Variants in PLCE1 observed in about 807,000 individuals in gnomAD.
PLCE1 encodes the protein 1-phosphatidylinositol 4,5-bisphosphate phosphodiesterase epsilon-1.
PLCE1 carries 119 observed loss-of-function variants against 242.8 expected under a neutral mutation model. That is an observed-to-expected ratio of 0.49 (90% confidence interval 0.42 to 0.57). The LOEUF (loss-of-function observed/expected upper bound fraction) is 0.57. Ranked by LOEUF, PLCE1 falls within the 20% of genes least tolerant of loss-of-function variation. PLCE1 has a pLI of 0.00. For synonymous variants in PLCE1, 945 were observed against 1,017.4 expected (o/e 0.93, Z 1.35); for missense variants, 2,441 against 2,788.8 (o/e 0.88, Z 2.81).
intron 2 of PLCE1, among the ~76,000 whole-genome samples, chr10:94,108,136 T>G (rs191267239): frequency 6.6e-5 from 10 of 152,312 alleles, no homozygotes; most frequent in Admixed American, 5.2e-4. Context: ...AGAAGGCAAG[T>G]GCAGCAGCAA....
chr10:94,111,847 A>G (rs945583517), intron 2 of PLCE1, among the ~76,000 whole-genome samples: 3 of 152,214 alleles, frequency 2.0e-5, no homozygotes, highest in African/African-American at 7.2e-5. Context: ...TAAGTTTATT[A>G]TTTTAAATGT....
Position 94,179,530 on chromosome 10 carries a change from T to TTTTA in PLCE1, c.1809+8034_1809+8035insTTTA, listed in dbSNP as rs10636243. 5.3e-3 allele frequency among the ~76,000 whole-genome samples: 623 copies of TTTTA among 118,500 alleles called. 4 individuals carry two copies. Among genetic ancestry groups the TTTTA allele is most frequent in the Non-Finnish European group, 7.2e-3 (425 of 59,280 alleles). The allele number at this position is 118,500 out of a possible 152,430, so 77.7% of individuals were successfully genotyped here. On this transcript the variant is annotated intron_variant, in intron 4 of 32. Coordinates refer to ENST00000371380, the MANE Select transcript of PLCE1 (RefSeq NM_016341.4). Reference sequence around the variant, plus strand: ...TAGTTTAGTTTTTTTTTTTTTTTTTTGACAGGGTCTCTGTTGCCCAGGCTG... The same window carrying TTTTA: ...TAGTTTAGTTTTTTTTTTTTTTTTTTTTTAGACAGGGTCTCTGTTGCCCAGGCTG...
intron 4 of PLCE1, among the ~76,000 whole-genome samples, chr10:94,192,953 T>C (rs950757441): frequency 6.6e-6 from 1 of 152,220 alleles, no homozygotes; most frequent in Non-Finnish European, 1.5e-5. Context: ...GAAAATTATA[T>C]GAAGCTCAAA....
intron 2 of PLCE1, chr10:94,107,997 A>G (rs1202298841): frequency 6.6e-6 from 1 of 152,208 alleles, no homozygotes; most frequent in Non-Finnish European, 1.5e-5. Context: ...GATCTAACCA[A>G]CGGGAGGAAA....
At chr10:94,287,955 TGA>T (rs1263649533) in intron 22 of PLCE1, among the ~76,000 whole-genome samples, 1 of 152,086 alleles carries the variant, frequency 6.6e-6, no homozygotes, top group African/African-American at 2.4e-5. Context: ...GGAAAGTATC[TGA>T]GACTCTTCAA....
rs866004100 is a variant in PLCE1, at chr10:94,143,264, T to G, written c.1492+10805T>G. On this transcript the variant is annotated intron_variant, in intron 3 of 32. Coordinates refer to ENST00000371380, the MANE Select transcript of PLCE1 (RefSeq NM_016341.4). ...TTTTATTCCCTCCAGAGTAGAAAGA[T>G]GCTAAGCATTTACTCCTGGTATTGG... Among the ~76,000 whole-genome samples, 13 of 152,356 alleles carry G rather than the reference T, an allele frequency of 8.5e-5. No individual in the cohort carries two copies. In the Middle Eastern group the frequency reaches 0.02, roughly 239 times the overall value.
chr10:94,031,976 A>G lies in PLCE1; in HGVS notation c.930A>G (p.Val310=). 6.2e-7 allele frequency: 1 copy of G among 1,613,806 alleles called. No homozygotes were observed. Among genetic ancestry groups the G allele is most frequent in the Non-Finnish European group, 8.5e-7 (1 of 1,179,764 alleles). ...ACTTCCCTGATAATTGTGATGATGT[A>G]GAAGAAGACGCTTTTAAAAGCAAAA... The part of the protein sequence containing the change: ...FEDFPDNCDD[V]EEDAFKSKKE... Residue 310 remains valine (V), a synonymous_variant, in exon 2 of 33, where the codon GTA becomes GTG. Transcript: ENST00000371380.
intron 3 of PLCE1, among the ~76,000 whole-genome samples, chr10:94,167,813 G>A (rs2047856375): frequency 6.6e-6 from 1 of 151,716 alleles, no homozygotes; most frequent in Admixed American, 6.6e-5. Flanking sequence ...CCCTAATCCT[G>A]TAGCTGGGAT....
chr10:94,318,056 T>C (rs2053638498), intron 29 of PLCE1, among the ~76,000 whole-genome samples: 1 of 152,186 alleles, frequency 6.6e-6, no homozygotes, highest in South Asian at 2.1e-4. Flanking sequence ...TGAGTGAATG[T>C]GACCTAAAGC....
intron 2 of PLCE1, among the ~76,000 whole-genome samples, chr10:94,071,495 G>GTTTTTTTTTTTGTTTTTT (rs2044352848): frequency 1.2e-5 from 1 of 83,316 alleles, no homozygotes; most frequent in Non-Finnish European, 2.1e-5. Context: ...TTTGGTTTTC[G>GTTTTTTTTTTTGTTTTTT]TTTTTTTTTT....
intron 21 of PLCE1, 33 bp downstream of exon 21, chr10:94,283,944 G>T: frequency 6.2e-7 from 1 of 1,603,388 alleles, no homozygotes; most frequent in South Asian, 1.1e-5. Context: ...ATGACACTTT[G>T]ACCATGTGGT....
intron 1 of PLCE1, among the ~76,000 whole-genome samples, chr10:93,997,436 G>A (rs1364519792): frequency 2.0e-5 from 3 of 152,138 alleles, no homozygotes; most frequent in Admixed American, 6.5e-5. Context: ...AGGGAGTGTG[G>A]ACTTCCATGA....
chr10:94,015,439 T>G (rs2061259217), intron 1 of PLCE1, among the ~76,000 whole-genome samples: 1 of 152,178 alleles, frequency 6.6e-6, no homozygotes, highest in Admixed American at 6.5e-5. Flanking sequence ...GATGAATGGT[T>G]AAGTGACTAG....
chr10:94,122,968 C>G (rs2046340194), intron 2 of PLCE1, among the ~76,000 whole-genome samples: 1 of 152,070 alleles, frequency 6.6e-6, no homozygotes, highest in Non-Finnish European at 1.5e-5. Context: ...ATTATTTCTC[C>G]ACTGTGCCCT....
intron 2 of PLCE1, among the ~76,000 whole-genome samples, chr10:94,033,981 T>C (rs1355537540): frequency 6.6e-6 from 1 of 152,054 alleles, no homozygotes; most frequent in Non-Finnish European, 1.5e-5. Context: ...ACTGGGTAGT[T>C]TACAGAGAAA....
chr10:94,072,259 T>G (rs1220239392), intron 2 of PLCE1, among the ~76,000 whole-genome samples: 1 of 151,966 alleles, frequency 6.6e-6, no homozygotes, highest in East Asian at 1.9e-4. Context: ...CCCATTTCTT[T>G]CTTTCTTTCT....
intron 16 of PLCE1, 80 bp downstream of exon 16, chr10:94,266,038 C>CCCA: frequency 7.5e-7 from 1 of 1,336,750 alleles, no homozygotes; most frequent in Non-Finnish European, 1.1e-6. Context: ...AAAACCTGAC[C>CCCA]CCAGACTCCT....
chr10:94,136,180 G>A (rs548800938), intron 3 of PLCE1, among the ~76,000 whole-genome samples: 3 of 152,262 alleles, frequency 2.0e-5, no homozygotes, highest in African/African-American at 7.2e-5. Flanking sequence ...AAGTACTTAG[G>A]GTAGTCAAAA....
Position 94,331,285 on chromosome 10 carries a change from G to A in PLCE1, c.*3342G>A, listed in dbSNP as rs1302169461. On this transcript the variant is annotated 3_prime_UTR_variant, in exon 33 of 33. Coordinates refer to ENST00000371380, the MANE Select transcript of PLCE1 (RefSeq NM_016341.4). ...CACTGGAAGCTCATTAATGAAAGTG[G>A]GCCCTCTATGATATGTATCAATTTA... is the stretch of plus-strand genomic sequence containing the variant. 1 of 152,014 alleles carries A rather than the reference G, an allele frequency of 6.6e-6. No individual in the cohort carries two copies. The highest frequency in any genetic ancestry group is 2.4e-5 in the African/African-American group (1 of 41,372). The allele number at this position is 152,014 out of a possible 1,614,324, so 9.4% of individuals were successfully genotyped here. A position where few individuals can be genotyped will look rare whatever the true frequency, so the allele number is the denominator to read the frequency against.
Sources: allele counts gnomAD v4.1 joint callset (sites outside exome capture counted in the v4.1 genomes callset), GRCh38; gene constraint gnomAD v4.1.1; transcripts MANE v1.5; gene names NCBI Gene and HGNC (gene_info 2026-07-23, HGNC 2026-07-21).